ADGRB1: variants seen among roughly 807,000 people sequenced by gnomAD.
ADGRB1 encodes the protein brain-specific angiogenesis inhibitor 1.
ADGRB1 carries 36 observed loss-of-function variants against 175.7 expected under a neutral mutation model. The ratio of observed to expected loss-of-function variants is 0.20; its 90% confidence interval spans 0.16 to 0.27. The LOEUF (loss-of-function observed/expected upper bound fraction) is 0.27. Among genes scored for constraint, ADGRB1 ranks in the 10% least tolerant of loss-of-function variants. The pLI is 1.00. For synonymous variants in ADGRB1, 1,054 were observed against 979.4 expected (o/e 1.08, Z -1.42); for missense variants, 1,731 against 2,255.3 (o/e 0.77, Z 4.71).
intron 21 of ADGRB1, among the ~76,000 whole-genome samples, chr8:142,522,433 G>A (rs919900783): frequency 1.3e-5 from 2 of 152,224 alleles, no homozygotes; most frequent in African/African-American, 4.8e-5. Flanking sequence ...CACCCTATGT[G>A]TTCTCTGCTC....
chr8:142,516,245 G>A (rs1297372081), intron 18 of ADGRB1, among the ~76,000 whole-genome samples: 191 of 146,400 alleles, frequency 1.3e-3, no homozygotes, highest in African/African-American at 4.8e-3. Flanking sequence ...GTGCGTGTGC[G>A]GGCCCCAGGT....
rs1220369056 is a variant in ADGRB1 at position 142,492,131 on chromosome 8, C to T, written c.2675+1316C>T. Among the ~76,000 whole-genome samples the T allele has an allele frequency of 6.6e-6, 1 of 151,974 alleles. No homozygotes were observed. The highest frequency in any genetic ancestry group is 2.4e-5 in the African/African-American group (1 of 41,368). On this transcript the variant is annotated intron_variant, in intron 17 of 30. Coordinates refer to ENST00000517894, the MANE Select transcript of ADGRB1 (RefSeq NM_001702.3). The surrounding 1 kb of genome is among the most constrained non-coding windows in gnomAD (Gnocchi z 4.4). The stretch of plus-strand genomic sequence containing the variant: ...ATCTATACCCACTGCCACCACCCTC[C>T]ACCCACCAACCATCAACCCTCTCCT...
At chr8:142,529,511 T>C (rs778896928) in intron 24 of ADGRB1, among the ~76,000 whole-genome samples, 3 of 152,182 alleles carry the variant, frequency 2.0e-5, no homozygotes, top group Non-Finnish European at 2.9e-5. Context: ...AGTGTATGTG[T>C]ACATGTGTAA....
rs1163269066 is a variant in ADGRB1, at chr8:142,464,971, A to C, written c.773A>C (p.His258Pro). ...LTSLTQDRGG[H>P]GATGGWKLWS... is the part of the protein sequence containing the mutation. ...AGCCTGACCCAGGACCGGGGCGGGC[A>C]CGGCGCCACAGGTGAGTGACTGGCG... is the stretch of plus-strand genomic sequence containing the variant. Residue 258 changes from histidine to proline, a missense_variant, in exon 2 of 31, where the codon CAC becomes CCC. Coordinates refer to ENST00000517894, the MANE Select transcript of ADGRB1 (RefSeq NM_001702.3). The C allele has an allele frequency of 1.0e-5, 15 of 1,503,566 alleles. No homozygotes were observed. The highest frequency in any genetic ancestry group is 1.3e-5 in the Non-Finnish European group (15 of 1,131,534). The allele number at this position is 1,503,566 out of a possible 1,614,324, so 93.1% of individuals were successfully genotyped here.
chr8:142,465,246 G>T (rs1015442016), intron 2 of ADGRB1, among the ~76,000 whole-genome samples: 1 of 152,218 alleles, frequency 6.6e-6, no homozygotes, highest in Non-Finnish European at 1.5e-5. Flanking sequence ...GAAGGTCACT[G>T]CAGGTGTGCA....
intron 17 of ADGRB1, among the ~76,000 whole-genome samples, chr8:142,501,698 GGGTGGT>G (rs1201981830): frequency 7.9e-6 from 1 of 126,132 alleles, no homozygotes; most frequent in African/African-American, 2.9e-5. Flanking sequence ...GATGGAGGTG[GGGTGGT>G]GGTGGTGATG....
intron 19 of ADGRB1, among the ~76,000 whole-genome samples, chr8:142,520,367 T>A: frequency 7.2e-6 from 1 of 139,014 alleles, no homozygotes; most frequent in East Asian, 2.2e-4. Context: ...ATGATGGTGG[T>A]GATGGTGGTG....
chr8:142,470,426 T>C (rs1227592657), intron 2 of ADGRB1, among the ~76,000 whole-genome samples: 1 of 151,802 alleles, frequency 6.6e-6, no homozygotes, highest in Non-Finnish European at 1.5e-5. Context: ...TGTCCCCGTG[T>C]GGTGTGTGTG....
Position 142,477,095 on chromosome 8 carries a change from G to A in ADGRB1, c.1058-19G>A, listed in dbSNP as rs377684279. On this transcript the variant is annotated intron_variant, in intron 4 of 30. Transcript: ENST00000517894. Reference sequence around the variant, plus strand: ...GCCCCATGGGCGGCAGGCCTGTGACGCTGTAGTGGGGCCTGCAGGTGACCC... The same window carrying A: ...GCCCCATGGGCGGCAGGCCTGTGACACTGTAGTGGGGCCTGCAGGTGACCC... The A allele has an allele frequency of 1.8e-3, 2,721 of 1,533,614 alleles. 1 individual carries two copies. The highest frequency in any genetic ancestry group is 2.2e-3 in the Non-Finnish European group (2,551 of 1,142,872).
At chr8:142,508,367 C>T (rs1007496206) in intron 17 of ADGRB1, among the ~76,000 whole-genome samples, 2 of 152,118 alleles carry the variant, frequency 1.3e-5, no homozygotes, top group Non-Finnish European at 2.9e-5. Context: ...TGGGATGTTC[C>T]TTGTGCACCT....
rs1346933411 is a variant in ADGRB1 at position 142,488,512 on chromosome 8, G to A, written c.2452+5G>A. The A allele has an allele frequency of 6.2e-7, 1 of 1,611,604 alleles. No homozygotes were observed. Among genetic ancestry groups the A allele is most frequent in the Admixed American group, 1.7e-5 (1 of 59,980 alleles). Reference sequence around the variant, plus strand: ...TCTTCTCCACGGGGCTGACAGGTGAGGGGCCCAGGGAGTGGAGGGGGACCT... The same window carrying A: ...TCTTCTCCACGGGGCTGACAGGTGAAGGGCCCAGGGAGTGGAGGGGGACCT... On this transcript the variant is annotated splice_donor_5th_base_variant and intron_variant, in intron 14 of 30. Coordinates refer to ENST00000517894, the MANE Select transcript of ADGRB1 (RefSeq NM_001702.3).
chr8:142,515,840 T>C (rs528330645), intron 18 of ADGRB1, among the ~76,000 whole-genome samples: 1 of 152,338 alleles, frequency 6.6e-6, no homozygotes, highest in Non-Finnish European at 1.5e-5. Context: ...CTCCAGGCTG[T>C]GGCATGCAGG....
chr8:142,478,126 C>T, intron 6 of ADGRB1, 61 bp from the exon 7 acceptor site: 1 of 1,553,226 alleles, frequency 6.4e-7, no homozygotes, highest in Admixed American at 1.9e-5. Context: ...CACCCACATT[C>T]CAAGCCAGGC....
intron 2 of ADGRB1, among the ~76,000 whole-genome samples, chr8:142,465,383 TG>T (rs1308364240): frequency 5.3e-5 from 8 of 152,228 alleles, no homozygotes; most frequent in Non-Finnish European, 1.2e-4. Flanking sequence ...ACAACTTTAA[TG>T]GGCCAGAGGC....
chr8:142,535,330 G>A (rs1844863106), intron 25 of ADGRB1, among the ~76,000 whole-genome samples: 1 of 152,152 alleles, frequency 6.6e-6, no homozygotes, highest in Admixed American at 6.5e-5. Flanking sequence ...GGCAAATGGG[G>A]TCAGGGAAGG....
At chr8:142,494,113 C>T (rs2131906217) in intron 17 of ADGRB1, among the ~76,000 whole-genome samples, 1 of 152,226 alleles carries the variant, frequency 6.6e-6, no homozygotes, top group Admixed American at 6.5e-5. Flanking sequence ...TGAGAGCCAT[C>T]AGTCACCATC....
In ADGRB1 at chr8:142,464,212, C is replaced by T. The variant is rs1840117633; in HGVS notation, c.14C>T (p.Ala5Val). 1 of 1,290,138 alleles carries T rather than the reference C, an allele frequency of 7.8e-7. No individual in the cohort carries two copies. 79.9% of individuals were successfully genotyped at this position (1,290,138 alleles called of 1,614,324 possible). The change falls in exon 2 of 31, where the codon GCC (alanine) becomes GTC (valine). Residue 5 changes from alanine (A) to valine (V), a missense_variant. Coordinates refer to ENST00000517894, the MANE Select transcript of ADGRB1 (RefSeq NM_001702.3). Reference sequence around the variant, plus strand: ...CCGCGAGCTAGGATGAGGGGCCAGGCCGCCGCCCCGGGCCCCGTCTGGATC... The same window carrying T: ...CCGCGAGCTAGGATGAGGGGCCAGGTCGCCGCCCCGGGCCCCGTCTGGATC... MRGQAAAPGPVWILA... is the reference protein window; with the variant it reads MRGQVAAPGPVWILA...
chr8:142,522,460 C>T (rs1843907566), intron 21 of ADGRB1, among the ~76,000 whole-genome samples, 181 bp from the exon 22 acceptor site: 1 of 152,234 alleles, frequency 6.6e-6, no homozygotes, highest in African/African-American at 2.4e-5. Context: ...CCACCCTGCG[C>T]CCAGCTCCGC....
rs758337911 is a variant in ADGRB1 at position 142,543,383 on chromosome 8, C to T, written c.4414-20C>T. The T allele has an allele frequency of 6.2e-7, 1 of 1,613,510 alleles. No homozygotes were observed. Among genetic ancestry groups the T allele is most frequent in the African/African-American group, 1.3e-5 (1 of 74,940 alleles). The stretch of plus-strand genomic sequence containing the variant: ...GTCAGGGACCCTTGGCGAATGTTCG[C>T]AAACCCCTTCTCCCTGCAGCGGCGG... On this transcript the variant is annotated intron_variant, in intron 28 of 30. Transcript: ENST00000517894. The surrounding 1 kb of genome is among the most constrained non-coding windows in gnomAD (Gnocchi z 4.4).
Sources: allele counts gnomAD v4.1 joint callset (sites outside exome capture counted in the v4.1 genomes callset), GRCh38; gene constraint gnomAD v4.1.1; non-coding constraint Gnocchi (gnomAD v3.1); transcripts MANE v1.5; gene names NCBI Gene and HGNC (gene_info 2026-07-23, HGNC 2026-07-21).